PSD3: variants seen among roughly 807,000 people sequenced by gnomAD.
PSD3 encodes PH and SEC7 domain-containing protein 3.
PSD3 carries 49 observed loss-of-function variants against 105.5 expected under a neutral mutation model. That is an observed-to-expected ratio of 0.46 (90% CI 0.37 to 0.59). The LOEUF (loss-of-function observed/expected upper bound fraction) is 0.59. Ranked by LOEUF, PSD3 falls within the 20% of genes least tolerant of loss-of-function variation. The probability of loss-of-function intolerance (pLI) is 0.00; values close to 1 mark genes in which losing one functional copy is unlikely to be tolerated. For synonymous variants in PSD3, 557 were observed against 457.8 expected (o/e 1.22, Z -2.77); for missense variants, 1,561 against 1,263.8 (o/e 1.24, Z -3.57).
At chr8:18,788,320 G>A (rs948795059) in intron 8 of PSD3, among the ~76,000 whole-genome samples, 4 of 152,222 alleles carry the variant, frequency 2.6e-5, no homozygotes, top group Non-Finnish European at 5.9e-5. Context: ...GGAAAATGAA[G>A]ATGGAGAATT....
chr8:18,617,879 C>G (rs1805812748), intron 11 of PSD3, among the ~76,000 whole-genome samples: 1 of 152,112 alleles, frequency 6.6e-6, no homozygotes, highest in African/African-American at 2.4e-5. Context: ...GTATTGTACC[C>G]CAAAATGCAT....
intron 1 of PSD3, among the ~76,000 whole-genome samples, chr8:18,986,467 A>T (rs998011143): frequency 2.6e-5 from 4 of 151,974 alleles, no homozygotes; most frequent in African/African-American, 9.7e-5. Context: ...CTCAAGGATC[A>T]GGGAATTCAG....
At chr8:19,043,315 C>T (rs1160703389) in intron 1 of PSD3, among the ~76,000 whole-genome samples, 1 of 152,170 alleles carries the variant, frequency 6.6e-6, no homozygotes, top group South Asian at 2.1e-4. Context: ...CCTTTCCATA[C>T]ATACTATGAT....
At chr8:18,579,421 C>T (rs1017945934) in intron 12 of PSD3, among the ~76,000 whole-genome samples, 4 of 152,112 alleles carry the variant, frequency 2.6e-5, no homozygotes, top group African/African-American at 4.8e-5. Context: ...CATCTAATTA[C>T]TATCCATTTT....
At chr8:18,630,992 T>C (rs936889802) in intron 11 of PSD3, among the ~76,000 whole-genome samples, 6 of 151,994 alleles carry the variant, frequency 3.9e-5, no homozygotes. Flanking sequence ...TCAGAGGCCC[T>C]GGAATCAATC....
chr8:18,977,433 G>C (rs1586565150), intron 1 of PSD3, among the ~76,000 whole-genome samples: 1 of 152,066 alleles, frequency 6.6e-6, no homozygotes, highest in Non-Finnish European at 1.5e-5. Flanking sequence ...GGAGCTAACA[G>C]ATAAAACAGT....
intron 1 of PSD3, among the ~76,000 whole-genome samples, chr8:19,030,317 C>G (rs925864574): frequency 6.6e-6 from 1 of 151,932 alleles, no homozygotes; most frequent in Non-Finnish European, 1.5e-5. Flanking sequence ...TGAGATAAAC[C>G]CTATTTGATC....
intron 9 of PSD3, among the ~76,000 whole-genome samples, chr8:18,760,921 C>T (rs1806473523): frequency 1.3e-5 from 2 of 152,106 alleles, no homozygotes; most frequent in South Asian, 4.1e-4. Flanking sequence ...CCTTGTCTCC[C>T]CCAGGGATGT....
intron 4 of PSD3, among the ~76,000 whole-genome samples, chr8:18,863,989 G>A (rs556543334): frequency 4.6e-4 from 70 of 152,032 alleles, no homozygotes; most frequent in Admixed American, 3.8e-3. Context: ...CAATTCAGCC[G>A]AGAACAGTGT....
intron 8 of PSD3, among the ~76,000 whole-genome samples, chr8:18,783,923 G>T (rs750119298): frequency 6.6e-6 from 1 of 152,098 alleles, no homozygotes; most frequent in African/African-American, 2.4e-5. Flanking sequence ...CACTGCAACC[G>T]GCCAACATAT....
At chr8:18,811,526 A>C (rs1342336780) in intron 4 of PSD3, among the ~76,000 whole-genome samples, 2 of 152,190 alleles carry the variant, frequency 1.3e-5, no homozygotes, top group South Asian at 2.1e-4. Context: ...TTTGCTCTGG[A>C]AAAAAATAGA....
intron 1 of PSD3, among the ~76,000 whole-genome samples, chr8:19,040,615 C>G (rs1272444502): frequency 6.6e-6 from 1 of 152,182 alleles, no homozygotes; most frequent in African/African-American, 2.4e-5. Context: ...GAGAATAAAG[C>G]ACGGGCGTTG....
chr8:18,882,974 T>G (rs1818216596), intron 2 of PSD3, among the ~76,000 whole-genome samples: 1 of 152,102 alleles, frequency 6.6e-6, no homozygotes, highest in African/African-American at 2.4e-5. Flanking sequence ...ATTTCCGTCA[T>G]CACAGAAAGC....
At chr8:18,621,020 C>T (rs550442222) in intron 11 of PSD3, among the ~76,000 whole-genome samples, 5 of 152,300 alleles carry the variant, frequency 3.3e-5, no homozygotes, top group East Asian at 3.9e-4. Flanking sequence ...GAAAACTGAA[C>T]ATTCCTCTTT....
rs1020104440 is a variant in PSD3, at chr8:18,617,797, C to G, written c.2410+14816G>C. On this transcript the variant is annotated intron_variant, in intron 11 of 15. Coordinates refer to ENST00000327040, the MANE Select transcript of PSD3 (RefSeq NM_015310.4). ...CTGACAAAACAGACTCTTAGTAGCA[C>G]TAAGATACCAATTTCAACCTGACTC... 2.6e-5 allele frequency among the ~76,000 whole-genome samples: 4 copies of G among 152,104 alleles called. No homozygotes were observed. In the South Asian group the frequency reaches 6.2e-4, roughly 24 times the overall value.
At chr8:19,018,674 T>G (rs1563512730), upstream of PSD3, among the ~76,000 whole-genome samples, 2 of 152,188 alleles carry the variant, frequency 1.3e-5, no homozygotes, top group African/African-American at 4.8e-5. Flanking sequence ...ACTTGGAATT[T>G]GTTTGGGCAT....
At chr8:18,588,667 T>C (rs778286851) in intron 12 of PSD3, among the ~76,000 whole-genome samples, 23 of 152,224 alleles carry the variant, frequency 1.5e-4, no homozygotes, top group Non-Finnish European at 2.5e-4. Context: ...TCCAGAGCTA[T>C]CATAAATCCG....
At chr8:18,600,173 T>C (rs530818041) in intron 12 of PSD3, among the ~76,000 whole-genome samples, 191 bp downstream of exon 12, 1 of 152,208 alleles carries the variant, frequency 6.6e-6, no homozygotes, top group Non-Finnish European at 1.5e-5. Flanking sequence ...ATTACGCTAC[T>C]GAGAACAGCA....
intron 4 of PSD3, among the ~76,000 whole-genome samples, chr8:18,838,662 G>T (rs13250274): frequency 0.26 from 39,682 of 151,438 alleles, 5,574 homozygotes; most frequent in Middle Eastern, 0.29. Context: ...TTAGCCGGGC[G>T]TGGTGGCGGG....
Sources: allele counts gnomAD v4.1 joint callset (sites outside exome capture counted in the v4.1 genomes callset), GRCh38; gene constraint gnomAD v4.1.1; transcripts MANE v1.5; gene names NCBI Gene and HGNC (gene_info 2026-07-23, HGNC 2026-07-21).